OPRM1: variants seen among roughly 807,000 people sequenced by gnomAD.
OPRM1 encodes opioid receptor mu 1.
A neutral mutation model predicts 31.8 loss-of-function variants in OPRM1; 27 were observed. The ratio of observed to expected loss-of-function variants is 0.85; its 90% CI spans 0.63 to 1.17. The LOEUF (loss-of-function observed/expected upper bound fraction) is 1.17. Among genes scored for constraint, OPRM1 ranks in the 50% most tolerant of loss-of-function variants. OPRM1 has a pLI of 0.00. For missense variants in OPRM1, 536 were observed against 511.1 expected (o/e 1.05, Z -0.47); for synonymous variants, 196 against 189.9 (o/e 1.03, Z -0.26).
At chr6:154,145,685 A>G (rs1798341781) in intron 3 of OPRM1, among the ~76,000 whole-genome samples, 1 of 152,260 alleles carries the variant, frequency 6.6e-6, no homozygotes, top group South Asian at 2.1e-4. Flanking sequence ...ACATTTTGAA[A>G]AAGAAGAATA....
chr6:154,153,012 T>G (rs1446559447), intron 3 of OPRM1, among the ~76,000 whole-genome samples: 1 of 152,114 alleles, frequency 6.6e-6, no homozygotes, highest in African/African-American at 2.4e-5. Flanking sequence ...GTGCTAGAAT[T>G]GCAAACATGA....
chr6:154,198,248 CCA>C (rs1776781835), intron 3 of OPRM1, among the ~76,000 whole-genome samples: 1 of 152,150 alleles, frequency 6.6e-6, no homozygotes, highest in Non-Finnish European at 1.5e-5. Flanking sequence ...TTCTGTGCTT[CCA>C]AGGAGATACA....
intron 3 of OPRM1, among the ~76,000 whole-genome samples, chr6:154,188,892 G>T (rs528363467): frequency 6.6e-6 from 1 of 152,054 alleles, no homozygotes; most frequent in South Asian, 2.1e-4. Flanking sequence ...AAATATGGAA[G>T]AATATCTTTA....
chr6:154,157,330 AG>A (rs1798757244), intron 3 of OPRM1: 1 of 152,338 alleles, frequency 6.6e-6, no homozygotes. Context: ...AATAATTTAC[AG>A]GGGGAAAAAC....
At chr6:154,185,739 C>A (rs749678993) in intron 3 of OPRM1, among the ~76,000 whole-genome samples, 1 of 152,144 alleles carries the variant, frequency 6.6e-6, no homozygotes, top group Non-Finnish European at 1.5e-5. Flanking sequence ...TTGGGCTACA[C>A]ATAAAATACA....
intron 3 of OPRM1, among the ~76,000 whole-genome samples, chr6:154,172,482 A>T (rs1329450889): frequency 6.6e-6 from 1 of 152,114 alleles, no homozygotes; most frequent in African/African-American, 2.4e-5. Context: ...AGACCAGGAG[A>T]TTCCCTCCCA....
chr6:154,123,073 G>C lies in OPRM1; in HGVS notation c.*4352G>C, dbSNP rs1406314560. 1.3e-5 allele frequency among the ~76,000 whole-genome samples: 2 copies of C among 152,162 alleles called. No individual in the cohort carries two copies. Among genetic ancestry groups the C allele is most frequent in the Non-Finnish European group, 2.9e-5 (2 of 68,026 alleles). On this transcript the variant is annotated 3_prime_UTR_variant, in exon 4 of 4. Transcript: ENST00000330432. ...CTGCAGCAGAGACGGGAGCCCAAGT[G>C]GGTTGCTGTTTTTACAGCTGAATCC...
chr6:154,100,014 TATC>T (rs1254172709), intron 3 of OPRM1, among the ~76,000 whole-genome samples: 4 of 126,720 alleles, frequency 3.2e-5, no homozygotes, highest in Non-Finnish European at 4.8e-5. Flanking sequence ...TTATGATATA[TATC>T]ATAACATATT....
chr6:154,020,929 G>A lies in OPRM1; in HGVS notation c.-1+9911G>A, dbSNP rs185968451. Among the ~76,000 whole-genome samples the A allele has an allele frequency of 1.1e-3, 170 of 152,194 alleles. 1 individual carries two copies. The Middle Eastern group carries it at 0.014, about 12-fold the overall frequency. ...CTGTGGCTTGTCATTTCATTCTCTT[G>A]ACAGTGCTTTCACAGAGTAAATGTT... On this transcript the variant is annotated intron_variant, in intron 1 of 5. Coordinates refer to the OPRM1 transcript ENST00000434900.
rs76439864 is a variant in OPRM1 at position 154,238,972 on chromosome 6, T to G, written c.1165-7721T>G. On this transcript the variant is annotated intron_variant, in intron 3 of 3. Transcript: ENST00000337049. ...TGTGGAAACACCGACAAAAGTACTATGCACTGTCCACCAGAGAAAAGAAGG... is the reference window on the plus strand; with the variant it reads ...TGTGGAAACACCGACAAAAGTACTAGGCACTGTCCACCAGAGAAAAGAAGG... Among the ~76,000 whole-genome samples the G allele has an allele frequency of 7.4e-3, 1,122 of 152,182 alleles. 6 individuals carry two copies. The highest frequency in any genetic ancestry group is 0.014 in the Admixed American group (218 of 15,286).
chr6:154,109,079 C>T (rs1040392068), intron 3 of OPRM1: 14 of 976,278 alleles, frequency 1.4e-5, no homozygotes, highest in Middle Eastern at 5.2e-4. Flanking sequence ...AAATGTTAGC[C>T]TCACTCTAAT....
chr6:154,089,114 G>A (rs1791365314), intron 1 of OPRM1, among the ~76,000 whole-genome samples: 1 of 152,032 alleles, frequency 6.6e-6, no homozygotes, highest in Non-Finnish European at 1.5e-5. Context: ...ATGTGTTTGT[G>A]TACATACCTA....
chr6:154,177,925 G>A (rs549592405), intron 3 of OPRM1, among the ~76,000 whole-genome samples: 2 of 152,296 alleles, frequency 1.3e-5, no homozygotes, highest in Admixed American at 1.3e-4. Context: ...TAAAGACAAT[G>A]TGTCACATAT....
At chr6:154,024,371 ATCAGT>A (rs1418450885) in intron 1 of OPRM1, among the ~76,000 whole-genome samples, 1 of 152,000 alleles carries the variant, frequency 6.6e-6, no homozygotes, top group Non-Finnish European at 1.5e-5. Flanking sequence ...TTTCTGCAGT[ATCAGT>A]TCTAATGTCT....
At chr6:154,174,026 T>A (rs1245177608) in intron 3 of OPRM1, among the ~76,000 whole-genome samples, 1 of 152,176 alleles carries the variant, frequency 6.6e-6, no homozygotes, top group Non-Finnish European at 1.5e-5. Flanking sequence ...TTCAACATTC[T>A]TAAAGGAAAG....
At chr6:154,090,663 C>G (rs1006904496) in intron 2 of OPRM1, among the ~76,000 whole-genome samples, 4 of 152,090 alleles carry the variant, frequency 2.6e-5, no homozygotes, top group Admixed American at 2.6e-4. Flanking sequence ...CAATATAGAC[C>G]TCATGGAGGA....
At chr6:154,244,025 G>T (rs1198570393) in intron 3 of OPRM1, among the ~76,000 whole-genome samples, 1 of 152,230 alleles carries the variant, frequency 6.6e-6, no homozygotes, top group Admixed American at 6.5e-5. Context: ...CTGAGGAAGT[G>T]TAGGGACGGG....
chr6:154,135,940 A>G (rs1798050008), downstream of OPRM1, among the ~76,000 whole-genome samples: 3 of 152,246 alleles, frequency 2.0e-5, no homozygotes, highest in Admixed American at 2.0e-4. Context: ...CTAAAGAAGC[A>G]TCGTAGGGAA....
intron 1 of OPRM1, among the ~76,000 whole-genome samples, chr6:154,081,242 G>A (rs1179981492): frequency 6.6e-6 from 1 of 152,178 alleles, no homozygotes; most frequent in Non-Finnish European, 1.5e-5. Flanking sequence ...GGTGGCTCAC[G>A]CCTGTAATCC....
Sources: gnomAD v4.1 joint callset for allele counts (sites outside exome capture counted in the v4.1 genomes callset) on GRCh38, gnomAD v4.1.1 for gene constraint, MANE v1.5 for transcripts, NCBI Gene and HGNC (gene_info 2026-07-23, HGNC 2026-07-21) for gene names.